The following GALNT13 variants were observed in gnomAD, a reference collection of about 807,000 sequenced individuals.
The protein encoded by GALNT13 is UDP-GalNAc:polypeptide N-acetylgalactosaminyltransferase 13.
A neutral mutation model predicts 64.2 loss-of-function variants in GALNT13; 28 were observed. The ratio of observed to expected loss-of-function variants is 0.44; its 90% confidence interval spans 0.32 to 0.60. The LOEUF is 0.60. Among genes scored for constraint, GALNT13 ranks in the 20% least tolerant of loss-of-function variants. The pLI is 0.05. For missense variants in GALNT13, 577 were observed against 669.8 expected (o/e 0.86, Z 1.53); for synonymous variants, 214 against 224.6 (o/e 0.95, Z 0.42).
chr2:153,496,835 G>GA, the GALNT13 span, among the ~76,000 whole-genome samples: 1 of 149,670 alleles, frequency 6.7e-6, no homozygotes, highest in South Asian at 2.1e-4. Flanking sequence ...AAAATACAAA[G>GA]AAAAAAAAAT....
the GALNT13 span, among the ~76,000 whole-genome samples, chr2:153,130,053 A>C: frequency 6.6e-6 from 1 of 152,136 alleles, no homozygotes; most frequent in South Asian, 2.1e-4. Flanking sequence ...GTCCTCCTTA[A>C]CATCTGTTTT....
At chr2:153,265,254 G>A in the GALNT13 span, among the ~76,000 whole-genome samples, 1 of 152,200 alleles carries the variant, frequency 6.6e-6, no homozygotes, top group African/African-American at 2.4e-5. Flanking sequence ...TTCCCCAGAA[G>A]TTGCAGTTTT....
At chr2:153,383,618 C>G in the GALNT13 span, among the ~76,000 whole-genome samples, 1 of 151,888 alleles carries the variant, frequency 6.6e-6, no homozygotes, top group Admixed American at 6.6e-5. Flanking sequence ...TTCTACTTTG[C>G]CTTCTTAAAG....
the GALNT13 span, among the ~76,000 whole-genome samples, chr2:153,145,638 G>T: frequency 0.19 from 28,908 of 151,734 alleles, 2,920 homozygotes; most frequent in Middle Eastern, 0.24. Context: ...GATGGATTAG[G>T]TCCAAGTCCA....
intron 4 of GALNT13, among the ~76,000 whole-genome samples, chr2:154,225,678 A>G (rs1349891250): frequency 6.6e-6 from 1 of 152,136 alleles, no homozygotes; most frequent in Admixed American, 6.6e-5. Context: ...ATACAGTTTT[A>G]TTTTATCATA....
At chr2:153,767,003 G>A in the GALNT13 span, among the ~76,000 whole-genome samples, 6 of 152,038 alleles carry the variant, frequency 3.9e-5, no homozygotes, top group South Asian at 1.2e-3. Flanking sequence ...TTTTACATAG[G>A]TATATTGTGT....
the GALNT13 span, among the ~76,000 whole-genome samples, chr2:153,352,069 C>T: frequency 6.6e-6 from 1 of 152,162 alleles, no homozygotes; most frequent in African/African-American, 2.4e-5. Flanking sequence ...ACTTTGCATT[C>T]CTACCAGCAA....
the GALNT13 span, among the ~76,000 whole-genome samples, chr2:153,452,252 A>T: frequency 2.0e-5 from 3 of 152,226 alleles, no homozygotes; most frequent in Non-Finnish European, 4.4e-5. Context: ...TTTTCTGACC[A>T]AATCACAAAT....
At chr2:153,612,169 C>T in the GALNT13 span, among the ~76,000 whole-genome samples, 4 of 151,990 alleles carry the variant, frequency 2.6e-5, no homozygotes, top group Non-Finnish European at 5.9e-5. Context: ...GAATGGTGAT[C>T]ATTAAAAAGT....
chr2:153,934,943 T>A (rs1478629082), intron 2 of GALNT13, among the ~76,000 whole-genome samples: 1 of 152,186 alleles, frequency 6.6e-6, no homozygotes, highest in Non-Finnish European at 1.5e-5. Flanking sequence ...TCTTTGATCA[T>A]GTTGGCTTCT....
At chr2:154,109,595 A>G (rs998216004) in intron 3 of GALNT13, among the ~76,000 whole-genome samples, 2 of 152,144 alleles carry the variant, frequency 1.3e-5, no homozygotes, top group African/African-American at 4.8e-5. Flanking sequence ...TTGAATATAA[A>G]TGTTAGCTGT....
the GALNT13 span, among the ~76,000 whole-genome samples, chr2:153,495,296 C>A: frequency 6.6e-6 from 1 of 151,894 alleles, no homozygotes; most frequent in Non-Finnish European, 1.5e-5. Flanking sequence ...GGCAACAGAA[C>A]GAGACTCTGT....
intron 3 of GALNT13, among the ~76,000 whole-genome samples, chr2:153,966,669 C>G (rs979006227): frequency 6.6e-6 from 1 of 151,682 alleles, no homozygotes; most frequent in African/African-American, 2.4e-5. Context: ...CGACCGGCCC[C>G]GGGATTTTTT....
intron 9 of GALNT13, among the ~76,000 whole-genome samples, chr2:154,349,244 G>A (rs1021626318): frequency 6.6e-6 from 1 of 152,136 alleles, no homozygotes; most frequent in African/African-American, 2.4e-5. Flanking sequence ...ACACATAATT[G>A]ATGGGATATG....
At chr2:153,716,235 C>G in the GALNT13 span, among the ~76,000 whole-genome samples, 1 of 152,204 alleles carries the variant, frequency 6.6e-6, no homozygotes, top group Non-Finnish European at 1.5e-5. Context: ...TATCTCAGAT[C>G]CTTGCCAGCT....
At chr2:153,876,694 ATC>A (rs1686405408) in intron 1 of GALNT13, among the ~76,000 whole-genome samples, 1 of 152,146 alleles carries the variant, frequency 6.6e-6, no homozygotes, top group Non-Finnish European at 1.5e-5. Context: ...GGCTAAAGAC[ATC>A]TGTGTGATTC....
the GALNT13 span, among the ~76,000 whole-genome samples, chr2:153,591,142 T>C: frequency 2.6e-5 from 4 of 151,984 alleles, no homozygotes; most frequent in African/African-American, 4.8e-5. Context: ...AATTGACATA[T>C]AGAAATCAGT....
the GALNT13 span, among the ~76,000 whole-genome samples, chr2:153,722,821 C>T: frequency 6.6e-6 from 1 of 151,502 alleles, no homozygotes; most frequent in Non-Finnish European, 1.5e-5. Context: ...AATAGTTTAC[C>T]AACCAAAAAG....
At chr2:153,644,535 T>A in the GALNT13 span, among the ~76,000 whole-genome samples, 1 of 151,944 alleles carries the variant, frequency 6.6e-6, no homozygotes, top group Non-Finnish European at 1.5e-5. Context: ...GGATTTTTGT[T>A]TTTTCTCGTG....
Sources: allele counts gnomAD v4.1 joint callset (sites outside exome capture counted in the v4.1 genomes callset), GRCh38; gene constraint gnomAD v4.1.1; transcripts MANE v1.5; gene names NCBI Gene and HGNC (gene_info 2026-07-23, HGNC 2026-07-21).